FAM227B: variants seen among roughly 807,000 people sequenced by gnomAD.
FAM227B encodes family with sequence similarity 227 member B.
A neutral mutation model predicts 73.8 loss-of-function variants in FAM227B; 88 were observed. That is an observed-to-expected ratio of 1.19 (90% CI 1.00 to 1.42). The LOEUF (loss-of-function observed/expected upper bound fraction) is 1.42. Among genes scored for constraint, FAM227B ranks in the 40% most tolerant of loss-of-function variants. The pLI is 0.00. For missense variants in FAM227B, 632 were observed against 590.9 expected (o/e 1.07, Z -0.72); for synonymous variants, 210 against 190.5 (o/e 1.10, Z -0.84).
At chr15:49,400,184 C>A (rs2048027599) in intron 11 of FAM227B, among the ~76,000 whole-genome samples, 1 of 18,102 alleles carries the variant, frequency 5.5e-5, no homozygotes, top group Non-Finnish European at 1.1e-4. Context: ...ACAAAAATCA[C>A]AAGCATTCTT....
At chr15:49,486,278 G>A (rs183604133) in intron 11 of FAM227B, 3 of 152,096 alleles carry the variant, frequency 2.0e-5, no homozygotes, top group African/African-American at 7.2e-5. Flanking sequence ...ATACGACCAG[G>A]ATGTAGAAAA....
intron 11 of FAM227B, among the ~76,000 whole-genome samples, chr15:49,445,757 T>A (rs1468092412): frequency 6.6e-6 from 1 of 151,562 alleles, no homozygotes; most frequent in Non-Finnish European, 1.5e-5. Flanking sequence ...GGTATCTGTT[T>A]AAAGTCCTGC....
chr15:49,340,602 A>T (rs114500325), intron 13 of FAM227B, among the ~76,000 whole-genome samples: 1 of 152,026 alleles, frequency 6.6e-6, no homozygotes, highest in Non-Finnish European at 1.5e-5. Context: ...CCACTTTTTA[A>T]TGGGGCTATT....
At chr15:49,563,580 G>A (rs923965284) in intron 9 of FAM227B, among the ~76,000 whole-genome samples, 8 of 152,066 alleles carry the variant, frequency 5.3e-5, no homozygotes, top group Non-Finnish European at 1.2e-4. Flanking sequence ...CACATTACCT[G>A]ACTTCTGACT....
chr15:49,534,385 AT>A (rs1033562590), intron 10 of FAM227B, among the ~76,000 whole-genome samples: 23 of 151,896 alleles, frequency 1.5e-4, no homozygotes, highest in Admixed American at 1.5e-3. Context: ...AAATAACATT[AT>A]TTTTTAATGA....
intron 15 of FAM227B, chr15:49,329,489 A>G: frequency 1.0e-6 from 1 of 985,334 alleles, no homozygotes; most frequent in Non-Finnish European, 1.2e-6. Context: ...GGGCATCACC[A>G]TCTAGAATTT....
intron 11 of FAM227B, among the ~76,000 whole-genome samples, chr15:49,389,668 A>T (rs1396083040): frequency 6.6e-6 from 1 of 152,004 alleles, no homozygotes; most frequent in Non-Finnish European, 1.5e-5. Context: ...AAGTATTGTT[A>T]TTAATATTAT....
chr15:49,483,307 A>G, intron 11 of FAM227B: 2 of 871,136 alleles, frequency 2.3e-6, no homozygotes, highest in East Asian at 2.4e-5. Context: ...TTTTGTCAAA[A>G]TATCTCACCT....
At chr15:49,571,264 G>C (rs936145205) in intron 8 of FAM227B, among the ~76,000 whole-genome samples, 17 of 151,814 alleles carry the variant, frequency 1.1e-4, no homozygotes, top group African/African-American at 3.6e-4. Flanking sequence ...CCCCTTATCA[G>C]ATGTATGGTT....
At chr15:49,460,483 T>A (rs545308338) in intron 11 of FAM227B, among the ~76,000 whole-genome samples, 1 of 152,318 alleles carries the variant, frequency 6.6e-6, no homozygotes, top group East Asian at 1.9e-4. Flanking sequence ...TCTAAATCTG[T>A]GGTACCAGGA....
chr15:49,378,718 TCCAA>T (rs2151509885), intron 11 of FAM227B, among the ~76,000 whole-genome samples: 1 of 152,314 alleles, frequency 6.6e-6, no homozygotes, highest in Non-Finnish European at 1.5e-5. Flanking sequence ...TTTAGGTTTT[TCCAA>T]ATATAAGATA....
chr15:49,557,030 T>G (rs1567572219), intron 9 of FAM227B, among the ~76,000 whole-genome samples: 3 of 152,156 alleles, frequency 2.0e-5, no homozygotes, highest in Admixed American at 2.0e-4. Flanking sequence ...GAAGTCCTTG[T>G]GCATGGTAGC....
rs76591526 is a variant in FAM227B, at chr15:49,362,491, C to T, written c.1271+4957G>A. On this transcript the variant is annotated intron_variant, in intron 13 of 15. Transcript: ENST00000299338. ...TAGTTCTTTATAGCAGCATGAAAAC[C>T]GACTAATACACTTATAGATTCTGGA... Among the ~76,000 whole-genome samples the T allele has an allele frequency of 5.8e-3, 873 of 150,646 alleles. 6 individuals are homozygous for T. Among genetic ancestry groups the T allele is most frequent in the African/African-American group, 0.02 (829 of 41,300 alleles).
chr15:49,388,911 G>C (rs995581722), intron 11 of FAM227B, among the ~76,000 whole-genome samples: 2 of 151,890 alleles, frequency 1.3e-5, no homozygotes, highest in African/African-American at 4.8e-5. Flanking sequence ...AATCACCAGG[G>C]AAGTGCAAAT....
At chr15:49,384,423 C>G (rs2046746267) in intron 11 of FAM227B, among the ~76,000 whole-genome samples, 1 of 151,968 alleles carries the variant, frequency 6.6e-6, no homozygotes, top group African/African-American at 2.4e-5. Context: ...AGACAGGGCT[C>G]ACTGTCTGTG....
chr15:49,453,104 T>C (rs943688153), intron 11 of FAM227B, among the ~76,000 whole-genome samples: 3 of 152,128 alleles, frequency 2.0e-5, no homozygotes, highest in Non-Finnish European at 2.9e-5. Context: ...TCCTAAAATA[T>C]TGCATTGAGG....
intron 3 of FAM227B, among the ~76,000 whole-genome samples, chr15:49,610,186 T>G (rs796745977): frequency 2.4e-4 from 36 of 152,094 alleles, no homozygotes; most frequent in African/African-American, 8.4e-4. Context: ...TAATACAGTC[T>G]CCATTATTTG....
chr15:49,422,798 T>G, intron 11 of FAM227B: 1 of 1,265,704 alleles, frequency 7.9e-7, no homozygotes, highest in East Asian at 2.5e-5. Context: ...TCAACTTATC[T>G]ACACAGTGCT....
At chr15:49,537,493 G>A (rs2070443278) in intron 10 of FAM227B, among the ~76,000 whole-genome samples, 1 of 152,050 alleles carries the variant, frequency 6.6e-6, no homozygotes, top group African/African-American at 2.4e-5. Flanking sequence ...AGCTATTGAG[G>A]AAAACAGTAT....
Sources: allele counts gnomAD v4.1 joint callset (sites outside exome capture counted in the v4.1 genomes callset), GRCh38; gene constraint gnomAD v4.1.1; transcripts MANE v1.5; gene names NCBI Gene and HGNC (gene_info 2026-07-23, HGNC 2026-07-21).